Variants in TENM1 observed in about 807,000 individuals in gnomAD.
TENM1 encodes teneurin transmembrane protein 1.
A neutral mutation model predicts 174.8 loss-of-function variants in TENM1; 35 were observed. That is an observed-to-expected ratio of 0.20 (90% CI 0.15 to 0.27). TENM1 has a LOEUF of 0.27. Among genes scored for constraint, TENM1 ranks in the 10% least tolerant of loss-of-function variants. The pLI is 1.00. For synonymous variants in TENM1, 781 were observed against 798.7 expected, an observed-to-expected ratio of 0.98 and a Z score of 0.37; for missense variants, 1,633 against 2,130.1, an observed-to-expected ratio of 0.77 and a Z score of 4.59.
intron 1 of TENM1, among the ~76,000 whole-genome samples, chrX:124,913,270 AAAAG>A (rs1252589301): frequency 8.9e-6 from 1 of 111,760 alleles, no homozygotes; most frequent in Non-Finnish European, 1.9e-5. Context: ...TTCATATTAA[AAAAG>A]AAATATCCTA....
chrX:124,632,659 C>T (rs891478128), intron 11 of TENM1, among the ~76,000 whole-genome samples: 5 of 110,322 alleles, frequency 4.5e-5, no homozygotes, highest in African/African-American at 1.7e-4. Flanking sequence ...GCTCAATATG[C>T]AATCCAAACT....
At chrX:124,793,781 C>T (rs1009528149) in intron 3 of TENM1, among the ~76,000 whole-genome samples, 10 of 111,213 alleles carry the variant, frequency 9.0e-5, no homozygotes, top group Non-Finnish European at 1.7e-4. Flanking sequence ...CTAAATTTTT[C>T]ATTTTTATTA....
At chrX:124,853,809 T>C (rs2147408229) in intron 3 of TENM1, among the ~76,000 whole-genome samples, 1 of 110,588 alleles carries the variant, frequency 9.0e-6, no homozygotes, top group South Asian at 3.9e-4. Flanking sequence ...ATCAGGTATG[T>C]GATTTTCTTT....
intron 3 of TENM1, among the ~76,000 whole-genome samples, chrX:124,820,880 T>A (rs1269421548): frequency 8.9e-6 from 1 of 112,295 alleles, no homozygotes; most frequent in East Asian, 2.8e-4. Context: ...CATATTGCCT[T>A]ACCAGTATTG....
upstream of TENM1, among the ~76,000 whole-genome samples, chrX:124,964,160 C>T (rs2058696274): frequency 8.9e-6 from 1 of 112,427 alleles, no homozygotes; most frequent in African/African-American, 3.2e-5. Flanking sequence ...GATTAAAAAA[C>T]GTTATCAGAT....
chrX:124,549,186 T>C (rs1167319235), intron 14 of TENM1, among the ~76,000 whole-genome samples: 1 of 112,226 alleles, frequency 8.9e-6, no homozygotes, highest in East Asian at 2.8e-4. Context: ...TAGCACATTA[T>C]CTCTTTACTC....
chrX:124,706,857 G>C (rs2052917792), intron 4 of TENM1, among the ~76,000 whole-genome samples: 1 of 110,964 alleles, frequency 9.0e-6, no homozygotes, highest in Non-Finnish European at 1.9e-5. Flanking sequence ...GACCAAAAGA[G>C]GTTAAACAAC....
chrX:124,987,786 T>C, the TENM1 span, among the ~76,000 whole-genome samples: 3 of 109,253 alleles, frequency 2.7e-5, no homozygotes, highest in Non-Finnish European at 5.7e-5. Context: ...TGGGACTATC[T>C]TCAAATCCAG....
intron 4 of TENM1, among the ~76,000 whole-genome samples, chrX:124,729,909 T>G (rs1378387000): frequency 2.7e-5 from 3 of 111,294 alleles, no homozygotes; most frequent in Non-Finnish European, 5.7e-5. Context: ...CAGGCTGGAG[T>G]GCAGTGGCGC....
chrX:124,562,927 CTAAA>C (rs2048852570), intron 13 of TENM1, among the ~76,000 whole-genome samples: 2 of 111,726 alleles, frequency 1.8e-5, no homozygotes, highest in Admixed American at 1.9e-4. Context: ...AGTGTTCCTT[CTAAA>C]TAGTTTTCCA....
chrX:125,180,252 A>G, the TENM1 span, among the ~76,000 whole-genome samples: 2 of 79,426 alleles, frequency 2.5e-5, no homozygotes, highest in African/African-American at 4.7e-5. Context: ...TATTTTTAGT[A>G]GAGACGGAGT....
chrX:125,138,517 G>T, the TENM1 span, among the ~76,000 whole-genome samples: 1 of 111,739 alleles, frequency 8.9e-6, no homozygotes, highest in Non-Finnish European at 1.9e-5. Context: ...AACATTAAGT[G>T]TGGGGAATGC....
At chrX:124,581,436 T>C (rs1010438641) in intron 11 of TENM1, among the ~76,000 whole-genome samples, 2 of 18,247 alleles carry the variant, frequency 1.1e-4, no homozygotes, top group African/African-American at 4.8e-4. Context: ...TATCCAAGCC[T>C]CCATTGATAG....
intron 25 of TENM1, among the ~76,000 whole-genome samples, chrX:124,412,701 A>C (rs150710368): frequency 8.9e-6 from 1 of 112,553 alleles, no homozygotes; most frequent in Non-Finnish European, 1.9e-5. Flanking sequence ...ATGTCCTTCT[A>C]TCTTCATTTG....
chrX:124,578,344 A>G (rs903574753), intron 11 of TENM1, among the ~76,000 whole-genome samples: 1 of 111,706 alleles, frequency 9.0e-6, no homozygotes, highest in African/African-American at 3.3e-5. Context: ...TACATCTTTC[A>G]GTTCTTCTGT....
At chrX:124,760,574 C>G (rs747105088) in intron 3 of TENM1, among the ~76,000 whole-genome samples, 1 of 111,702 alleles carries the variant, frequency 9.0e-6, no homozygotes, top group East Asian at 2.8e-4. Context: ...AATGTTAGAC[C>G]TAAAACCAAA....
chrX:124,642,130 G>A, intron 10 of TENM1, 139 bp from the exon 14 acceptor site: 1 of 503,590 alleles, frequency 2.0e-6, no homozygotes, highest in East Asian at 3.4e-5. Flanking sequence ...GCAATAAAAT[G>A]ACTCATGCAA....
chrX:124,905,596 T>TCCC (rs2057735228), intron 1 of TENM1, among the ~76,000 whole-genome samples: 1 of 111,407 alleles, frequency 9.0e-6, no homozygotes, highest in Non-Finnish European at 1.9e-5. Context: ...GAGAAACAAA[T>TCCC]TAGGTAAACC....
the TENM1 span, among the ~76,000 whole-genome samples, chrX:125,189,374 A>G: frequency 1.8e-5 from 2 of 112,594 alleles, no homozygotes; most frequent in Non-Finnish European, 1.9e-5. Context: ...ACCGTTTAAG[A>G]AAAAGAAATT....
Sources: allele counts gnomAD v4.1 joint callset (sites outside exome capture counted in the v4.1 genomes callset), GRCh38; gene constraint gnomAD v4.1.1; transcripts MANE v1.5; gene names NCBI Gene and HGNC (gene_info 2026-07-23, HGNC 2026-07-21).